Variants in VPS37C observed in about 807,000 individuals in gnomAD.
VPS37C encodes VPS37C subunit of ESCRT-I.
VPS37C carries 9 observed loss-of-function variants against 16.1 expected under a neutral mutation model. The ratio of observed to expected loss-of-function variants is 0.56; its 90% CI spans 0.34 to 0.97. VPS37C has a LOEUF of 0.97. Ranked by LOEUF, VPS37C falls within the 50% of genes least tolerant of loss-of-function variation. The pLI, the probability that VPS37C is intolerant of heterozygous loss-of-function variation, is 0.02. For missense variants in VPS37C, 479 were observed against 472.7 expected (o/e 1.01, Z -0.12); for synonymous variants, 207 against 206.4 (o/e 1.00, Z -0.02).
intron 1 of VPS37C, among the ~76,000 whole-genome samples, chr11:61,159,293 G>A (rs74355431): frequency 9.9e-5 from 15 of 152,122 alleles, no homozygotes; most frequent in Non-Finnish European, 2.1e-4. Flanking sequence ...TTGCCTTACC[G>A]TAAGAATCAC....
At position 61,132,162 on chromosome 11, in the gene VPS37C, G is replaced by T; in HGVS notation, c.726C>A (p.Gly242=). ...SQPSFYSGPL[G]PTYPAAQLGP... ...CAAGCTGGGCTGCCGGGTAAGTGGG[G>T]CCCAGAGGCCCGCTGTAGAAGGAGG... The change falls in exon 5 of 5, where the codon GGC becomes GGA. Residue 242 remains glycine (G), a synonymous_variant. Transcript: ENST00000301765. 2 of 1,463,870 alleles carry T rather than the reference G, an allele frequency of 1.4e-6. No individual in the cohort carries two copies. The highest frequency in any genetic ancestry group is 2.9e-5 in the South Asian group (2 of 68,990). The allele number at this position is 1,463,870 out of a possible 1,614,324, so 90.7% of individuals were successfully genotyped here.
rs2134624838 is a variant in VPS37C at position 61,132,326 on chromosome 11, G to A, written c.562C>T (p.Pro188Ser). Reference sequence around the variant, plus strand: ...GGCTGCGGCTGCTCTTCAACCACAGGGGGTGTTCCCTGGGGGACTGGGCGC... The same window carrying A: ...GGCTGCGGCTGCTCTTCAACCACAGAGGGTGTTCCCTGGGGGACTGGGCGC... ...PVRPVPQGTP[P>S]VVEEQPQPPL... Residue 188 changes from proline (P) to serine (S), a missense_variant, in exon 5 of 5, where the codon CCT becomes TCT. Coordinates refer to ENST00000301765, the MANE Select transcript of VPS37C (RefSeq NM_017966.5). 2 of 1,598,910 alleles carry A rather than the reference G, an allele frequency of 1.3e-6. No individual in the cohort carries two copies. The highest frequency in any genetic ancestry group is 1.7e-6 in the Non-Finnish European group (2 of 1,171,388).
chr11:61,132,947 G>A, intron 4 of VPS37C: 1 of 536,964 alleles, frequency 1.9e-6, no homozygotes. Flanking sequence ...GAGGGAAGCA[G>A]GAAGCAGGGA....
In VPS37C at chr11:61,150,569, T is replaced by TC. The variant is rs60139601; in HGVS notation, c.-7+10821dup. Among the ~76,000 whole-genome samples, 548 of 150,970 alleles carry TC rather than the reference T, an allele frequency of 3.6e-3. 4 individuals are homozygous for TC. The highest frequency in any genetic ancestry group is 0.013 in the African/African-American group (524 of 41,048). On this transcript the variant is annotated intron_variant, in intron 1 of 4. Coordinates refer to ENST00000301765, the MANE Select transcript of VPS37C (RefSeq NM_017966.5). ...TCAAAGGAGTTTTGTTTTTTTTTTT[T>TC]CCAAACAGAACATTTAATCCAAACC... is the stretch of plus-strand genomic sequence containing the variant.
chr11:61,151,064 C>G (rs561044379), intron 1 of VPS37C, among the ~76,000 whole-genome samples: 2 of 152,264 alleles, frequency 1.3e-5, no homozygotes, highest in East Asian at 3.9e-4. Context: ...CCACAGTTTC[C>G]CAGGGAGGAA....
At chr11:61,140,731 G>A (rs1861459983) in intron 1 of VPS37C, among the ~76,000 whole-genome samples, 1 of 152,234 alleles carries the variant, frequency 6.6e-6, no homozygotes, top group South Asian at 2.1e-4. Context: ...CCTGGTTTCT[G>A]AGTACATGCA....
At chr11:61,151,947 C>T (rs911273396) in intron 1 of VPS37C, among the ~76,000 whole-genome samples, 3 of 152,226 alleles carry the variant, frequency 2.0e-5, no homozygotes, top group Admixed American at 2.0e-4. Context: ...TGACTTCACA[C>T]CAACTTCCAC....
At position 61,132,176 on chromosome 11, in the gene VPS37C, T is replaced by C. The variant is rs1343758721; in HGVS notation, c.712A>G (p.Ser238Gly). ...GGGTAAGTGGGGCCCAGAGGCCCGC[T>C]GTAGAAGGAGGGCTGGGACACTACT... ...FPVVSQPSFY[S>G]GPLGPTYPAA... The change falls in exon 5 of 5, where the codon AGC becomes GGC. Residue 238 changes from serine to glycine, a missense_variant. Physicochemically the swap from Ser to Gly is moderately conservative, Grantham distance 56 (BLOSUM62 0). Transcript: ENST00000301765. 1.4e-6 allele frequency: 2 copies of C among 1,477,756 alleles called. No individual in the cohort carries two copies. The highest frequency in any genetic ancestry group is 2.6e-5 in the Admixed American group (1 of 38,428). The allele number at this position is 1,477,756 out of a possible 1,614,324, so 91.5% of individuals were successfully genotyped here. A position where few individuals can be genotyped will look rare whatever the true frequency, so the allele number is the denominator to read the frequency against.
intron 2 of VPS37C, among the ~76,000 whole-genome samples, chr11:61,135,592 C>T (rs1348467721): frequency 6.6e-6 from 1 of 151,444 alleles, no homozygotes; most frequent in Non-Finnish European, 1.5e-5. Flanking sequence ...CACCACCACG[C>T]CTGGCTAAGT....
At chr11:61,157,511 T>G (rs539216968) in intron 1 of VPS37C, among the ~76,000 whole-genome samples, 1 of 152,368 alleles carries the variant, frequency 6.6e-6, no homozygotes, top group African/African-American at 2.4e-5. Context: ...CATCTTTTCA[T>G]GTGCTTATTG....
intron 1 of VPS37C, among the ~76,000 whole-genome samples, chr11:61,156,851 C>T (rs1421658823): frequency 6.6e-6 from 1 of 152,152 alleles, no homozygotes; most frequent in East Asian, 1.9e-4. Flanking sequence ...TTTTCATCAC[C>T]CTAAACTGAA....
intron 1 of VPS37C, among the ~76,000 whole-genome samples, chr11:61,142,701 T>G (rs1861491678): frequency 6.7e-6 from 1 of 150,270 alleles, no homozygotes; most frequent in Admixed American, 6.7e-5. Flanking sequence ...AAAACTACTC[T>G]AACCTCATGG....
chr11:61,135,823 G>C (rs1009200676), intron 2 of VPS37C, among the ~76,000 whole-genome samples: 1 of 152,178 alleles, frequency 6.6e-6, no homozygotes, highest in African/African-American at 2.4e-5. Flanking sequence ...GGGCCCCATG[G>C]ATCCTCTGGC....
chr11:61,148,328 T>C (rs1376769423), intron 1 of VPS37C, among the ~76,000 whole-genome samples: 1 of 152,088 alleles, frequency 6.6e-6, no homozygotes, highest in Non-Finnish European at 1.5e-5. Flanking sequence ...ATTCCCCACA[T>C]CCACCTATGG....
intron 1 of VPS37C, among the ~76,000 whole-genome samples, chr11:61,140,447 C>G (rs1438269271): frequency 6.6e-6 from 1 of 151,798 alleles, no homozygotes; most frequent in Non-Finnish European, 1.5e-5. Context: ...AAAGAACTAT[C>G]CATACAGGGA....
At chr11:61,145,869 C>A (rs1414842171) in intron 1 of VPS37C, among the ~76,000 whole-genome samples, 1 of 152,208 alleles carries the variant, frequency 6.6e-6, no homozygotes, top group Non-Finnish European at 1.5e-5. Context: ...ACTACCTGGG[C>A]CCCTCAGTAC....
chr11:61,146,583 A>AG (rs1212586667), intron 1 of VPS37C, among the ~76,000 whole-genome samples: 1 of 151,976 alleles, frequency 6.6e-6, no homozygotes, highest in African/African-American at 2.4e-5. Flanking sequence ...CTGGGAGGGG[A>AG]GGAGGAGGGA....
rs899802580 is a variant in VPS37C at position 61,131,775 on chromosome 11, T to C, written c.*45A>G. On this transcript the variant is annotated 3_prime_UTR_variant, in exon 5 of 5. Transcript: ENST00000301765. ...TCTCGGCGATGGCTGGGCCAAAGGT[T>C]GAGCGTGGGTGGGACTAGGGAGGGG... 56 of 1,241,308 alleles carry C rather than the reference T, an allele frequency of 4.5e-5. No individual in the cohort carries two copies. Among genetic ancestry groups the C allele is most frequent in the Non-Finnish European group, 5.5e-5 (55 of 991,290 alleles). The allele number at this position is 1,241,308 out of a possible 1,614,324, so 76.9% of individuals were successfully genotyped here.
At chr11:61,149,259 C>G (rs566653630) in intron 1 of VPS37C, among the ~76,000 whole-genome samples, 1 of 152,170 alleles carries the variant, frequency 6.6e-6, no homozygotes, top group Admixed American at 6.5e-5. Flanking sequence ...GCATCCCAGC[C>G]TCGGCGACAG....
Sources: allele counts gnomAD v4.1 joint callset (sites outside exome capture counted in the v4.1 genomes callset), GRCh38; gene constraint gnomAD v4.1.1; transcripts MANE v1.5; gene names NCBI Gene and HGNC (gene_info 2026-07-23, HGNC 2026-07-21).